The following SRD5A2 variants were observed in gnomAD, a reference collection of about 807,000 sequenced individuals.
SRD5A2 encodes steroid 5 alpha-reductase 2.
Under a neutral mutation model 27.4 loss-of-function variants are expected in SRD5A2, and 30 were observed. The observed-to-expected ratio is 1.10, with a 90% CI of 0.82 to 1.49. The LOEUF (loss-of-function observed/expected upper bound fraction) is 1.49, where lower values mean the gene tolerates loss of function less well. Among genes scored for constraint, SRD5A2 ranks in the 40% most tolerant of loss-of-function variants. The pLI, the probability that SRD5A2 is intolerant of heterozygous loss-of-function variation, is 0.00. For missense variants in SRD5A2, 348 were observed against 323.4 expected (o/e 1.08, Z -0.58); for synonymous variants, 141 against 133.6 (o/e 1.06, Z -0.38).
chr2:31,612,736 T>C, the SRD5A2 span, among the ~76,000 whole-genome samples: 2 of 152,282 alleles, frequency 1.3e-5, no homozygotes, highest in South Asian at 2.1e-4. Flanking sequence ...AGAACAATGC[T>C]GGAAGGATCA....
At chr2:31,627,089 G>A in the SRD5A2 span, among the ~76,000 whole-genome samples, 1 of 152,110 alleles carries the variant, frequency 6.6e-6, no homozygotes, top group Non-Finnish European at 1.5e-5. Flanking sequence ...AGTCTTGGGT[G>A]GGTGTATGTG....
At chr2:31,564,574 T>C (rs1417777871) in intron 1 of SRD5A2, among the ~76,000 whole-genome samples, 1 of 151,822 alleles carries the variant, frequency 6.6e-6, no homozygotes, top group African/African-American at 2.4e-5. Context: ...GAATAAGAAA[T>C]ATAAATACAC....
chr2:31,581,040 G>T (rs970342200), upstream of SRD5A2: 1 of 887,262 alleles, frequency 1.1e-6, no homozygotes, highest in Non-Finnish European at 1.6e-6. Flanking sequence ...CTCCCACCTC[G>T]CCGCGTCCAG....
At chr2:31,552,554 G>C (rs1448049378) in intron 1 of SRD5A2, among the ~76,000 whole-genome samples, 1 of 152,120 alleles carries the variant, frequency 6.6e-6, no homozygotes, top group East Asian at 1.9e-4. Context: ...AGAAATTGCA[G>C]AACCTAGGCA....
At chr2:31,584,714 AGAG>A (rs548657478), upstream of SRD5A2, among the ~76,000 whole-genome samples, 553 of 152,324 alleles carry the variant, frequency 3.6e-3, 4 homozygotes, top group African/African-American at 0.013. Context: ...AGCCAAAAGA[AGAG>A]ATGTATAGTA....
intron 1 of SRD5A2, among the ~76,000 whole-genome samples, chr2:31,566,491 T>C (rs1666731599): frequency 6.6e-6 from 1 of 152,154 alleles, no homozygotes. Flanking sequence ...AAAATATAAA[T>C]TACCATGATT....
At chr2:31,562,315 A>T (rs1666641448) in intron 1 of SRD5A2, among the ~76,000 whole-genome samples, 2 of 152,100 alleles carry the variant, frequency 1.3e-5, no homozygotes, top group South Asian at 2.1e-4. Context: ...CAAGGATGCA[A>T]TGTGTAATAA....
chr2:31,607,285 G>C, the SRD5A2 span, among the ~76,000 whole-genome samples: 1 of 151,912 alleles, frequency 6.6e-6, no homozygotes, highest in Admixed American at 6.6e-5. Flanking sequence ...AAAGTTTACA[G>C]ATTCAAGGTT....
At chr2:31,602,495 T>C in the SRD5A2 span, among the ~76,000 whole-genome samples, 1 of 152,052 alleles carries the variant, frequency 6.6e-6, no homozygotes, top group South Asian at 2.1e-4. Flanking sequence ...AAGTAATTTA[T>C]ACATTCAATG....
At chr2:31,633,702 C>G in the SRD5A2 span, among the ~76,000 whole-genome samples, 3 of 152,118 alleles carry the variant, frequency 2.0e-5, no homozygotes, top group African/African-American at 7.2e-5. Flanking sequence ...AGTCGTCAGC[C>G]AACCTCCCCA....
intron 2 of SRD5A2, among the ~76,000 whole-genome samples, chr2:31,532,526 G>A (rs1022639070): frequency 1.3e-5 from 2 of 152,082 alleles, no homozygotes; most frequent in African/African-American, 2.4e-5. Flanking sequence ...GTTCTGAGGT[G>A]AGGACAGCCA....
intron 1 of SRD5A2, among the ~76,000 whole-genome samples, chr2:31,554,196 G>A (rs943794582): frequency 1.3e-5 from 2 of 151,962 alleles, no homozygotes; most frequent in Admixed American, 6.6e-5. Context: ...ACCGATCTAG[G>A]AGAAAGGGAA....
Position 31,525,059 on chromosome 2 carries a change from T to C in SRD5A2, c.*1137A>G. On this transcript the variant is annotated 3_prime_UTR_variant, in exon 5 of 5. Transcript: ENST00000622030. ...GAAACTTTGTAAAAAAAAAAAAAAC[T>C]ATATGTCTGAGCCAAACAAAACAGG... The C allele has an allele frequency of 4.7e-6, 1 of 211,614 alleles. No individual in the cohort carries two copies. Among genetic ancestry groups the C allele is most frequent in the Middle Eastern group, 1.5e-3 (1 of 676 alleles). The allele number at this position is 211,614 out of a possible 1,614,324, so 13.1% of individuals were successfully genotyped here.
At chr2:31,652,605 A>T in the SRD5A2 span, among the ~76,000 whole-genome samples, 1 of 152,340 alleles carries the variant, frequency 6.6e-6, no homozygotes, top group East Asian at 1.9e-4. Context: ...AAATTATTGA[A>T]ATCAAAAAAT....
intron 1 of SRD5A2, among the ~76,000 whole-genome samples, chr2:31,569,380 C>T (rs1666803549): frequency 6.6e-6 from 1 of 152,196 alleles, no homozygotes; most frequent in South Asian, 2.1e-4. Context: ...TATGAGAGTT[C>T]CAGCTCTTCC....
the SRD5A2 span, among the ~76,000 whole-genome samples, chr2:31,610,555 C>T: frequency 1.3e-5 from 2 of 152,128 alleles, no homozygotes; most frequent in African/African-American, 4.8e-5. Flanking sequence ...AGGTTAAAAG[C>T]TTTTCTTCTA....
intron 1 of SRD5A2, among the ~76,000 whole-genome samples, chr2:31,571,549 A>G (rs534492053): frequency 6.6e-6 from 1 of 152,342 alleles, no homozygotes; most frequent in Non-Finnish European, 1.5e-5. Flanking sequence ...GAGCTTCTGC[A>G]CAGGAAAAAA....
intron 1 of SRD5A2, among the ~76,000 whole-genome samples, chr2:31,549,196 G>A (rs889482755): frequency 3.3e-5 from 5 of 150,758 alleles, no homozygotes; most frequent in South Asian, 2.1e-4. Context: ...CACTGCAACC[G>A]CCGCCTCCCA....
chr2:31,633,785 G>A, the SRD5A2 span, among the ~76,000 whole-genome samples: 1 of 152,224 alleles, frequency 6.6e-6, no homozygotes, highest in African/African-American at 2.4e-5. Flanking sequence ...GGTTGACTAA[G>A]AATCCCTAAG....
Sources: gnomAD v4.1 joint callset for allele counts (sites outside exome capture counted in the v4.1 genomes callset) on GRCh38, gnomAD v4.1.1 for gene constraint, MANE v1.5 for transcripts, NCBI Gene and HGNC (gene_info 2026-07-23, HGNC 2026-07-21) for gene names.